TEP1: variants seen among roughly 807,000 people sequenced by gnomAD.
The protein encoded by TEP1 is telomerase associated protein 1.
TEP1 carries 241 observed loss-of-function variants against 306.3 expected under a neutral mutation model. The observed-to-expected ratio is 0.79, with a 90% CI of 0.71 to 0.88. The LOEUF is 0.88. Ranked by LOEUF, TEP1 falls within the 40% of genes least tolerant of loss-of-function variation. TEP1 has a pLI of 0.00. For missense variants in TEP1, 3,051 were observed against 3,276.1 expected (o/e 0.93, Z 1.68); for synonymous variants, 1,289 against 1,305.5 (o/e 0.99, Z 0.27).
intron 10 of TEP1, 135 bp from the exon 11 acceptor site, chr14:20,396,084 T>A (rs1476297742): frequency 3.7e-6 from 2 of 546,138 alleles, no homozygotes; most frequent in Non-Finnish European, 3.3e-6. Context: ...AGAAAAGGGG[T>A]AATAAGAAGA....
chr14:20,403,331 A>C, intron 7 of TEP1, 46 bp downstream of exon 7: 4 of 1,603,070 alleles, frequency 2.5e-6, no homozygotes, highest in Non-Finnish European at 8.5e-7. Flanking sequence ...ATTAGTCCAG[A>C]AGAGATTGTA....
chr14:20,378,562 A>T, intron 37 of TEP1, 27 bp from the exon 38 acceptor site: 1 of 1,613,950 alleles, frequency 6.2e-7, no homozygotes, highest in Non-Finnish European at 8.5e-7. Flanking sequence ...AGGAATCAGG[A>T]TGCTGAAGAG....
intron 17 of TEP1, among the ~76,000 whole-genome samples, chr14:20,388,862 A>G (rs112939447): frequency 0.052 from 7,866 of 152,214 alleles, 215 homozygotes; most frequent in South Asian, 0.091. Context: ...AAAAAGAAGT[A>G]ACTGGAGCCG....
rs770200088 is a variant in TEP1 at position 20,373,714 on chromosome 14, T to C, written c.6568A>G (p.Ile2190Val). 2 of 1,614,204 alleles carry C rather than the reference T, an allele frequency of 1.2e-6. No individual in the cohort carries two copies. The highest frequency in any genetic ancestry group is 1.7e-6 in the Non-Finnish European group (2 of 1,180,038). ...TCCATGGCAGCTGCACAGTGGCTAA[T>C]GGGTCCTGAGTGAGCAGGGATGCTG... ...LTSIPAHSGPISHCAAAMEPR... is the reference protein window; with the variant it reads ...LTSIPAHSGPVSHCAAAMEPR... The change falls in exon 45 of 55, where the codon ATT (isoleucine) becomes GTT (valine). Residue 2190 changes from isoleucine (I) to valine (V), a missense_variant. Ile to Val is a conservative substitution (Grantham distance 29). Around this residue, in one of 3 missense-constraint regions of TEP1, gnomAD observed 1,540 missense variants for 1,705.9 expected, o/e 0.90. Transcript: ENST00000262715.
intron 9 of TEP1, among the ~76,000 whole-genome samples, chr14:20,400,497 C>CAAAAAAAAAAAAAAAAAAAAAAAAAAAGA (rs71108598): frequency 1.2e-5 from 1 of 85,468 alleles, no homozygotes. Context: ...AAAAGTAGAC[C>CAAAAAAAAAAAAAAAAAAAAAAAAAAAGA]AAAAAAAAAA....
chr14:20,386,816 G>T (rs988878305), intron 18 of TEP1, among the ~76,000 whole-genome samples, 193 bp from the exon 19 acceptor site: 1 of 152,106 alleles, frequency 6.6e-6, no homozygotes, highest in Admixed American at 6.5e-5. Context: ...ATGCCCACTT[G>T]CTATTTCTTG....
At position 20,403,456 on chromosome 14, in the gene TEP1, G is replaced by A. The variant is rs1878920049; in HGVS notation, c.1195-8C>T. On this transcript the variant is annotated splice_region_variant and splice_polypyrimidine_tract_variant and intron_variant, in intron 6 of 54. Transcript: ENST00000262715. ...AAATGGAGGCTCCATCCCCTGTAGG[G>A]ACAGGAGAAGCAATTTCAAAAAAAG... 3 of 1,613,940 alleles carry A rather than the reference G, an allele frequency of 1.9e-6. No individual in the cohort carries two copies.
Position 20,384,180 on chromosome 14 carries a change from T to C in TEP1, c.3392A>G (p.Gln1131Arg), listed in dbSNP as rs1876894417. Residue 1131 changes from glutamine to arginine, a missense_variant, in exon 24 of 55, where the codon CAG (glutamine) becomes CGG (arginine). This residue lies in a region of TEP1 where 1,507 missense variants were observed against 1,550.5 expected (regional missense o/e 0.97). Coordinates refer to ENST00000262715, the MANE Select transcript of TEP1 (RefSeq NM_007110.5). Reference protein sequence around the residue: ...PVSIPDDDLVQATFQQLQKPP... With the variant: ...PVSIPDDDLVRATFQQLQKPP... ...CTTCTGCAGCTGCTGGAAGGTGGCC[T>C]GGACCAAGTCATCGTCTGGGATGGA... The C allele has an allele frequency of 1.9e-6, 3 of 1,614,082 alleles. No individual in the cohort carries two copies. The highest frequency in any genetic ancestry group is 2.5e-6 in the Non-Finnish European group (3 of 1,180,038).
At position 20,389,291 on chromosome 14, in the gene TEP1, T is replaced by C. The variant is rs770232558; in HGVS notation, c.2472A>G (p.Thr824=). The C allele has an allele frequency of 3.7e-6, 6 of 1,614,234 alleles. No homozygotes were observed. In the South Asian group the frequency reaches 6.6e-5, roughly 18 times the overall value. ...ILLRRVQYLS[T]DLNPNDVTLS... ...GTGTCACATCATTGGGATTCAAATC[T>C]GTTGACCTGGCAAAGGAAGAAGCAG... The change falls in exon 17 of 55, where the codon ACA becomes ACG. Residue 824 remains threonine (T), a synonymous_variant. Coordinates refer to ENST00000262715, the MANE Select transcript of TEP1 (RefSeq NM_007110.5).
chr14:20,378,901 CCCT>C (rs774394312), intron 36 of TEP1, 48 bp from the exon 37 acceptor site: 4 of 1,613,652 alleles, frequency 2.5e-6, no homozygotes, highest in East Asian at 2.2e-5. Flanking sequence ...GCCATCAGCT[CCCT>C]CCTCATTTCC....
rs986359838 is a variant in TEP1, at chr14:20,380,418, C to T, written c.4820G>A (p.Arg1607His). The T allele has an allele frequency of 8.7e-6, 14 of 1,614,086 alleles. No individual in the cohort carries two copies. The highest frequency in any genetic ancestry group is 1.6e-4 in the Middle Eastern group (1 of 6,062). Residue 1607 changes from arginine (R) to histidine (H), a missense_variant, in exon 34 of 55, where the codon CGC becomes CAC. This residue lies in a region of TEP1 where 1,540 missense variants were observed against 1,705.9 expected (regional missense o/e 0.90). Coordinates refer to ENST00000262715, the MANE Select transcript of TEP1 (RefSeq NM_007110.5). Reference protein sequence around the residue: ...KLPEADVAVFRTFLRQQASIL... With the variant: ...KLPEADVAVFHTFLRQQASIL... Reference sequence around the variant, plus strand: ...TGAAGCCTGCTGCCTCAGGAAGGTGCGAAACACTGCAACGTCAGCCTCGGG... The same window carrying T: ...TGAAGCCTGCTGCCTCAGGAAGGTGTGAAACACTGCAACGTCAGCCTCGGG...
intron 5 of TEP1, among the ~76,000 whole-genome samples, chr14:20,404,219 G>A (rs1312438064): frequency 6.6e-6 from 1 of 152,102 alleles, no homozygotes. Flanking sequence ...GCCAGGCGTG[G>A]TGGCGCACGC....
intron 19 of TEP1, 100 bp downstream of exon 19, chr14:20,386,347 C>T: frequency 2.5e-6 from 4 of 1,575,740 alleles, no homozygotes; most frequent in Non-Finnish European, 3.4e-6. Flanking sequence ...CTCCCGCCTT[C>T]ACCCTCATCC....
chr14:20,371,588 G>C lies in TEP1; in HGVS notation c.7121C>G (p.Thr2374Arg). 1 of 1,600,494 alleles carries C rather than the reference G, an allele frequency of 6.2e-7. No homozygotes were observed. Among genetic ancestry groups the C allele is most frequent in the Non-Finnish European group, 8.5e-7 (1 of 1,177,066 alleles). ...RILQEDLGVL[T>R]SLDWAPDGHF... Reference sequence around the variant, plus strand: ...ACCATCAGGAGCCCAATCCAGACTTGTCAGCACCCCTAAGTCCTCCTGTAG... The same window carrying C: ...ACCATCAGGAGCCCAATCCAGACTTCTCAGCACCCCTAAGTCCTCCTGTAG... Residue 2374 changes from threonine to arginine, a missense_variant, in exon 50 of 55, where the codon ACA becomes AGA. Physicochemically the swap from Thr to Arg is moderately conservative, Grantham distance 71 (BLOSUM62 -1). Coordinates refer to ENST00000262715, the MANE Select transcript of TEP1 (RefSeq NM_007110.5).
intron 3 of TEP1, 46 bp from the exon 4 acceptor site, chr14:20,405,631 G>T: frequency 6.2e-7 from 1 of 1,602,822 alleles, no homozygotes; most frequent in South Asian, 1.1e-5. Context: ...AGGTAACAAG[G>T]ACCAACTTAA....
chr14:20,380,973 A>G lies in TEP1; in HGVS notation c.4720T>C (p.Leu1574=). Residue 1574 remains leucine, a synonymous_variant, in exon 33 of 55, where the codon TTG becomes CTG. Coordinates refer to ENST00000262715, the MANE Select transcript of TEP1 (RefSeq NM_007110.5). The stretch of plus-strand genomic sequence containing the variant: ...TCCAAGAGCCGAGAGACCAGACCCA[A>G]TTCCAAGTGTGCAGCCACCACATGG... ...NLHVVAAHLE[L]GLVSRLLEAH... 6.2e-7 allele frequency: 1 copy of G among 1,614,174 alleles called. No individual in the cohort carries two copies. The highest frequency in any genetic ancestry group is 8.5e-7 in the Non-Finnish European group (1 of 1,180,042).
intron 5 of TEP1, among the ~76,000 whole-genome samples, chr14:20,404,302 C>T (rs948299930): frequency 6.7e-6 from 1 of 149,310 alleles, no homozygotes; most frequent in African/African-American, 2.5e-5. Flanking sequence ...TTGCAGTGAG[C>T]CGAGATCACG....
chr14:20,394,773 C>T (rs1282630780), intron 12 of TEP1, among the ~76,000 whole-genome samples: 1 of 152,248 alleles, frequency 6.6e-6, no homozygotes, highest in South Asian at 2.1e-4. Flanking sequence ...GGATTACAGG[C>T]GTGAGCCACC....
Position 20,405,575 on chromosome 14 carries a change from A to T in TEP1, c.746T>A (p.Leu249Gln). The T allele has an allele frequency of 6.2e-7, 1 of 1,613,822 alleles. No individual in the cohort carries two copies. Among genetic ancestry groups the T allele is most frequent in the Non-Finnish European group, 8.5e-7 (1 of 1,179,876 alleles). The part of the protein sequence containing the change: ...HVLQEKKMAL[L>Q]SLLCSTLVSE... The stretch of plus-strand genomic sequence containing the variant: ...GACCAGAGTAGAGCACAGCAAGCTC[A>T]GTAGAGCCATCTGGGAATTGAGAAA... The change falls in exon 4 of 55, where the codon CTG (leucine) becomes CAG (glutamine). Residue 249 changes from leucine to glutamine, a missense_variant. By Grantham distance (113) the Leu-to-Gln change is moderately radical. Transcript: ENST00000262715.
Sources: allele counts gnomAD v4.1 joint callset (sites outside exome capture counted in the v4.1 genomes callset), GRCh38; gene constraint gnomAD v4.1.1; regional missense constraint gnomAD v4.1.1; transcripts MANE v1.5; gene names NCBI Gene and HGNC (gene_info 2026-07-23, HGNC 2026-07-21).